The following NRG3 variants were observed in gnomAD, a reference collection of about 807,000 sequenced individuals.
NRG3 encodes neuregulin 3.
Under a neutral mutation model 66.9 loss-of-function variants are expected in NRG3, and 31 were observed. That is an observed-to-expected ratio of 0.46 (90% CI 0.35 to 0.63). NRG3 has a LOEUF of 0.63. Ranked by LOEUF, NRG3 falls within the 20% of genes least tolerant of loss-of-function variation. NRG3 has a pLI of 0.00. For missense variants in NRG3, 910 were observed against 878.9 expected (o/e 1.04, Z -0.45); for synonymous variants, 393 against 359.4 (o/e 1.09, Z -1.06).
At chr10:82,047,285 A>C (rs1255105329) in intron 1 of NRG3, among the ~76,000 whole-genome samples, 1 of 152,064 alleles carries the variant, frequency 6.6e-6, no homozygotes. Flanking sequence ...AGCAACTCCA[A>C]GACACATGAT....
chr10:82,526,899 A>C (rs1440307300), intron 2 of NRG3, among the ~76,000 whole-genome samples: 1 of 152,082 alleles, frequency 6.6e-6, no homozygotes, highest in Non-Finnish European at 1.5e-5. Context: ...AACATTCACA[A>C]AATTTGATCA....
At chr10:82,660,369 T>A (rs182022870) in intron 2 of NRG3, among the ~76,000 whole-genome samples, 10 of 152,154 alleles carry the variant, frequency 6.6e-5, no homozygotes, top group Admixed American at 4.6e-4. Context: ...AATTCACAGT[T>A]TATTGGAACA....
chr10:82,064,824 A>G (rs2064362265), intron 1 of NRG3, among the ~76,000 whole-genome samples: 2 of 152,210 alleles, frequency 1.3e-5, no homozygotes, highest in African/African-American at 2.4e-5. Flanking sequence ...ATTTGGAGAT[A>G]GCAAGAACCT....
intron 1 of NRG3, among the ~76,000 whole-genome samples, chr10:82,313,104 A>G (rs1343705263): frequency 1.3e-5 from 2 of 152,096 alleles, no homozygotes; most frequent in Non-Finnish European, 2.9e-5. Context: ...CTTGAGCTAT[A>G]GAGGCAGAGG....
intron 1 of NRG3, among the ~76,000 whole-genome samples, chr10:82,023,204 T>C (rs1043241408): frequency 2.0e-5 from 3 of 152,080 alleles, no homozygotes; most frequent in African/African-American, 7.2e-5. Flanking sequence ...TTTTGCATGT[T>C]GATTTTGCAT....
chr10:82,305,654 A>G (rs148056214), intron 1 of NRG3, among the ~76,000 whole-genome samples: 2,196 of 152,134 alleles, frequency 0.014, 41 homozygotes, highest in South Asian at 0.05. Flanking sequence ...TTTTGATTAC[A>G]TGTGGAATAT....
At chr10:82,222,866 A>G (rs2076008316) in intron 1 of NRG3, among the ~76,000 whole-genome samples, 1 of 152,088 alleles carries the variant, frequency 6.6e-6, no homozygotes, top group Non-Finnish European at 1.5e-5. Context: ...TGTCACATAT[A>G]CTTTTTACAT....
chr10:82,233,227 T>A (rs1363910846), intron 1 of NRG3, among the ~76,000 whole-genome samples: 1 of 152,152 alleles, frequency 6.6e-6, no homozygotes, highest in Non-Finnish European at 1.5e-5. Flanking sequence ...TAGCCGGGCA[T>A]GGTGGTAGGC....
At chr10:82,934,281 TTAAA>T (rs1453822561) in intron 4 of NRG3, among the ~76,000 whole-genome samples, 30 of 152,212 alleles carry the variant, frequency 2.0e-4, no homozygotes, top group Admixed American at 1.2e-3. Context: ...TAAAGTAAAC[TTAAA>T]TACTCTACAT....
intron 1 of NRG3, among the ~76,000 whole-genome samples, chr10:82,025,393 CAT>C (rs1304944521): frequency 2.6e-5 from 4 of 151,224 alleles, no homozygotes; most frequent in Non-Finnish European, 2.9e-5. Context: ...AAAGTTTTAA[CAT>C]GTGTTCTACT....
chr10:82,041,828 C>CTG (rs1564762121), intron 1 of NRG3, among the ~76,000 whole-genome samples: 7 of 94,850 alleles, frequency 7.4e-5, no homozygotes, highest in South Asian at 4.6e-4. Flanking sequence ...CTCTCTCTCT[C>CTG]TGTCTATTTC....
At chr10:82,668,307 C>G (rs1040314134) in intron 2 of NRG3, among the ~76,000 whole-genome samples, 1 of 152,174 alleles carries the variant, frequency 6.6e-6, no homozygotes, top group Non-Finnish European at 1.5e-5. Flanking sequence ...AATAACCACT[C>G]TTAAATGATC....
At chr10:82,392,606 A>G (rs1282564565) in intron 2 of NRG3, among the ~76,000 whole-genome samples, 3 of 152,196 alleles carry the variant, frequency 2.0e-5, no homozygotes, top group Non-Finnish European at 2.9e-5. Flanking sequence ...CCTCAGGTCT[A>G]TGTAATTTTA....
intron 2 of NRG3, among the ~76,000 whole-genome samples, chr10:82,597,075 A>G (rs2047325755): frequency 6.6e-6 from 1 of 152,210 alleles, no homozygotes; most frequent in Admixed American, 6.6e-5. Flanking sequence ...GCGTTTTAAC[A>G]AAACCAATTT....
chr10:81,963,651 C>T (rs774402725), intron 1 of NRG3, among the ~76,000 whole-genome samples: 53 of 152,174 alleles, frequency 3.5e-4, no homozygotes, highest in Non-Finnish European at 6.2e-4. Flanking sequence ...TGTCATCCAT[C>T]CACGTCCCCG....
At position 81,875,785 on chromosome 10, in the gene NRG3, A is replaced by T. The variant is rs1430080000; in HGVS notation, c.445A>T (p.Arg149Trp). Residue 149 changes from arginine to tryptophan, a missense_variant, in exon 1 of 9, where the codon AGG (arginine) becomes TGG (tryptophan). Physicochemically the swap from Arg to Trp is moderately radical, Grantham distance 101. Transcript: ENST00000372141. The surrounding 1 kb of genome is among the most constrained non-coding windows in gnomAD (Gnocchi z 5.3). ...CTCCGCCGGGGGTGCCGCCTCCTCC[A>T]GGACGCCCAACCGGATTAGCACTCG... Reference protein sequence around the residue: ...TPSAGGAASSRTPNRISTRLT... With the variant: ...TPSAGGAASSWTPNRISTRLT... The T allele has an allele frequency of 6.2e-7, 1 of 1,611,064 alleles. No individual in the cohort carries two copies. The highest frequency in any genetic ancestry group is 1.1e-5 in the South Asian group (1 of 91,050).
intron 2 of NRG3, among the ~76,000 whole-genome samples, chr10:82,466,913 C>CAA (rs77350035): frequency 2.8e-3 from 196 of 69,338 alleles, no homozygotes; most frequent in African/African-American, 8.8e-3. Context: ...GTACCCTGAC[C>CAA]AAAAAAAAAA....
At chr10:82,453,273 G>A (rs893915372) in intron 2 of NRG3, among the ~76,000 whole-genome samples, 1 of 152,070 alleles carries the variant, frequency 6.6e-6, no homozygotes, top group Admixed American at 6.6e-5. Flanking sequence ...AATTAGAAGA[G>A]CGCTCAGGAG....
intron 3 of NRG3, among the ~76,000 whole-genome samples, chr10:82,850,548 C>T (rs116226264): frequency 0.015 from 2,311 of 152,146 alleles, 52 homozygotes; most frequent in African/African-American, 0.048. Flanking sequence ...TGAATTGACA[C>T]CAAATAAAAT....
Sources: gnomAD v4.1 joint callset for allele counts (sites outside exome capture counted in the v4.1 genomes callset) on GRCh38, gnomAD v4.1.1 for gene constraint, Gnocchi (gnomAD v3.1) non-coding constraint, MANE v1.5 for transcripts, NCBI Gene and HGNC (gene_info 2026-07-23, HGNC 2026-07-21) for gene names.